CAPRIN1: variants seen among roughly 807,000 people sequenced by gnomAD.
CAPRIN1 encodes the protein caprin-1.
CAPRIN1 carries 29 observed loss-of-function variants against 100.9 expected under a neutral mutation model. The ratio of observed to expected loss-of-function variants is 0.29; its 90% CI spans 0.21 to 0.39. CAPRIN1 has a LOEUF of 0.39. Among genes scored for constraint, CAPRIN1 ranks in the 10% least tolerant of loss-of-function variants. The pLI, the probability that CAPRIN1 is intolerant of heterozygous loss-of-function variation, is 1.00. For synonymous variants in CAPRIN1, 338 were observed against 307.5 expected, an observed-to-expected ratio of 1.10 and a Z score of -1.04; for missense variants, 795 against 876.7, an observed-to-expected ratio of 0.91 and a Z score of 1.18.
intron 6 of CAPRIN1, among the ~76,000 whole-genome samples, chr11:34,076,998 G>C (rs59249605): frequency 0.1 from 15,547 of 152,232 alleles, 859 homozygotes; most frequent in African/African-American, 0.15. Context: ...GCCTCCCAGA[G>C]TGCTGGGATT....
At chr11:34,098,286 TA>T (rs2134140564) in intron 18 of CAPRIN1, 1 of 984,518 alleles carries the variant, frequency 1.0e-6, no homozygotes, top group South Asian at 4.7e-5. Flanking sequence ...ATTAGTGATA[TA>T]AATATCAAGT....
intron 18 of CAPRIN1, chr11:34,098,527 T>C (rs1436456905): frequency 2.0e-6 from 2 of 985,294 alleles, no homozygotes; most frequent in African/African-American, 3.5e-5. Context: ...GTTTCCTCTA[T>C]TGGCCATAAC....
intron 2 of CAPRIN1, chr11:34,052,877 T>C (rs947276851): frequency 8.6e-6 from 12 of 1,390,936 alleles, no homozygotes; most frequent in Admixed American, 3.1e-5. Flanking sequence ...CCAGGCCTCT[T>C]TATTACTCTT....
At chr11:34,093,173 A>G (rs1851295438) in intron 15 of CAPRIN1, among the ~76,000 whole-genome samples, 1 of 148,676 alleles carries the variant, frequency 6.7e-6, no homozygotes, top group South Asian at 2.2e-4. Flanking sequence ...CTAGCTCGAT[A>G]GAGATACTTT....
In CAPRIN1 at chr11:34,101,641, G is replaced by A. The variant is rs910137134; in HGVS notation, c.*2274G>A. Among the ~76,000 whole-genome samples, 2 of 152,104 alleles carry A rather than the reference G, an allele frequency of 1.3e-5. No individual in the cohort carries two copies. Among genetic ancestry groups the A allele is most frequent in the Non-Finnish European group, 2.9e-5 (2 of 68,006 alleles). On this transcript the variant is annotated 3_prime_UTR_variant, in exon 19 of 19. Transcript: ENST00000341394. ...TTTTTTTGGTTATTTTACCATCACA[G>A]TTTAAATGTATATCTTTTATGTCTC...
chr11:34,052,288 GC>G (rs1166610415), intron 1 of CAPRIN1, 132 bp from the exon 2 acceptor site: 6 of 738,892 alleles, frequency 8.1e-6, no homozygotes, highest in African/African-American at 3.8e-5. Context: ...GGCGCGCCGC[GC>G]CCCCTCCCCC....
chr11:34,056,209 A>T (rs959174498), intron 2 of CAPRIN1, among the ~76,000 whole-genome samples: 66 of 152,344 alleles, frequency 4.3e-4, no homozygotes, highest in Non-Finnish European at 7.9e-4. Flanking sequence ...ACCTATTCTT[A>T]TCGGAGCCTT....
At chr11:34,070,868 G>A (rs111273646) in intron 2 of CAPRIN1, among the ~76,000 whole-genome samples, 15,489 of 151,296 alleles carry the variant, frequency 0.1, 851 homozygotes, top group African/African-American at 0.15. Context: ...ATGCCCAGCT[G>A]ATTTTGTATT....
rs1179846473 is a variant in CAPRIN1 at position 34,100,595 on chromosome 11, C to T, written c.*1228C>T. ...GTGTCACAAATTTTATGGTTTATCT[C>T]CAGCAACATTTCTCTAGTACTTGCA... On this transcript the variant is annotated 3_prime_UTR_variant, in exon 19 of 19. Coordinates refer to ENST00000341394, the MANE Select transcript of CAPRIN1 (RefSeq NM_005898.5). The T allele has an allele frequency of 1.3e-5, 2 of 152,200 alleles. No homozygotes were observed. Among genetic ancestry groups the T allele is most frequent in the African/African-American group, 4.8e-5 (2 of 41,458 alleles). The allele number at this position is 152,200 out of a possible 1,614,324, so 9.4% of individuals were successfully genotyped here.
In CAPRIN1 at chr11:34,086,054, T is replaced by TC. The variant is rs755452485; in HGVS notation, c.967-9dup. 4.3e-6 allele frequency: 7 copies of TC among 1,611,604 alleles called. No individual in the cohort carries two copies. The South Asian group carries it at 6.6e-5, about 15-fold the overall frequency. On this transcript the variant is annotated splice_polypyrimidine_tract_variant and intron_variant, in intron 9 of 18. Coordinates refer to ENST00000341394, the MANE Select transcript of CAPRIN1 (RefSeq NM_005898.5). ...TCCTATTCCTTCTAATCCTTTTTTTTCTACCTTAGGTGGTAAATTCACTCC... is the reference window on the plus strand; with the variant it reads ...TCCTATTCCTTCTAATCCTTTTTTTTCCTACCTTAGGTGGTAAATTCACTCC...
At chr11:34,084,585 C>CAT (rs1490775368) in intron 9 of CAPRIN1, among the ~76,000 whole-genome samples, 1 of 152,122 alleles carries the variant, frequency 6.6e-6, no homozygotes, top group Non-Finnish European at 1.5e-5. Context: ...GCGGGACCCA[C>CAT]ATATATACAG....
At chr11:34,075,052 CT>C (rs796579666) in intron 4 of CAPRIN1, among the ~76,000 whole-genome samples, 43 of 146,854 alleles carry the variant, frequency 2.9e-4, no homozygotes, top group South Asian at 6.4e-4. Flanking sequence ...TTAAAAAAGA[CT>C]TTTTTTTTTT....
chr11:34,089,978 G>T (rs1193848594), intron 12 of CAPRIN1: 2 of 339,986 alleles, frequency 5.9e-6, no homozygotes, highest in South Asian at 5.3e-5. Flanking sequence ...TTTATTTAAC[G>T]TCGAGCTTCA....
At chr11:34,081,568 A>G (rs1851029681) in intron 7 of CAPRIN1, among the ~76,000 whole-genome samples, 1 of 151,138 alleles carries the variant, frequency 6.6e-6, no homozygotes, top group African/African-American at 2.4e-5. Flanking sequence ...ATCTTGGCTC[A>G]CTGCAGTTTC....
chr11:34,081,907 G>C (rs577207264), intron 7 of CAPRIN1, among the ~76,000 whole-genome samples: 21 of 152,294 alleles, frequency 1.4e-4, no homozygotes, highest in African/African-American at 4.8e-4. Context: ...TGCCTCCCGG[G>C]TTCAAGCGAT....
chr11:34,068,376 A>G (rs2134099449), intron 2 of CAPRIN1, among the ~76,000 whole-genome samples: 1 of 152,338 alleles, frequency 6.6e-6, no homozygotes, highest in Middle Eastern at 3.4e-3. Flanking sequence ...GTACAATGGC[A>G]GGGGAAGTAG....
chr11:34,088,890 T>C (rs1851202837), intron 11 of CAPRIN1, among the ~76,000 whole-genome samples: 2 of 152,182 alleles, frequency 1.3e-5, no homozygotes, highest in Non-Finnish European at 2.9e-5. Context: ...ACCAAAATGC[T>C]CACTTGAAAG....
chr11:34,071,445 A>T (rs921537344), intron 2 of CAPRIN1, among the ~76,000 whole-genome samples: 5 of 152,112 alleles, frequency 3.3e-5, no homozygotes, highest in African/African-American at 1.2e-4. Context: ...AGTGCCTGTA[A>T]TCCCAGCTAC....
chr11:34,082,586 C>T (rs1312422642), intron 7 of CAPRIN1, among the ~76,000 whole-genome samples: 1 of 152,162 alleles, frequency 6.6e-6, no homozygotes, highest in Non-Finnish European at 1.5e-5. Flanking sequence ...TGCACAGCCT[C>T]CCTCATTGTC....
Sources: gnomAD v4.1 joint callset for allele counts (sites outside exome capture counted in the v4.1 genomes callset) on GRCh38, gnomAD v4.1.1 for gene constraint, MANE v1.5 for transcripts, NCBI Gene and HGNC (gene_info 2026-07-23, HGNC 2026-07-21) for gene names.